CNTNAP5: variants seen among roughly 807,000 people sequenced by gnomAD.
CNTNAP5 encodes contactin associated protein family member 5.
A neutral mutation model predicts 150.2 loss-of-function variants in CNTNAP5; 72 were observed. The observed-to-expected ratio is 0.48, with a 90% confidence interval of 0.40 to 0.58. CNTNAP5 has a LOEUF of 0.58. Among genes scored for constraint, CNTNAP5 ranks in the 20% least tolerant of loss-of-function variants. The pLI is 0.00. For synonymous variants in CNTNAP5, 672 were observed against 619.8 expected (o/e 1.08, Z -1.25); for missense variants, 1,636 against 1,626.2 (o/e 1.01, Z -0.10).
chr2:124,881,003 C>G lies in CNTNAP5; in HGVS notation c.3436+11241C>G, dbSNP rs149067477. 3.5e-3 allele frequency among the ~76,000 whole-genome samples: 530 copies of G among 152,124 alleles called. 4 individuals are homozygous for G. The highest frequency in any genetic ancestry group is 0.014 in the Middle Eastern group (4 of 294). On this transcript the variant is annotated intron_variant, in intron 21 of 23. Coordinates refer to ENST00000682447, the MANE Select transcript of CNTNAP5 (RefSeq NM_001367498.1). The stretch of plus-strand genomic sequence containing the variant: ...GAAAACAAAGATAGTAGGATAGAAA[C>G]AGTAAATAGGCCATCTGAGAGGGTT...
At chr2:124,616,404 C>A (rs1677494296) in intron 12 of CNTNAP5, among the ~76,000 whole-genome samples, 1 of 152,182 alleles carries the variant, frequency 6.6e-6, no homozygotes, top group Non-Finnish European at 1.5e-5. Flanking sequence ...AGCTTCCTCA[C>A]CTCTCTCAGC....
chr2:124,068,148 C>T (rs890874724), intron 1 of CNTNAP5, among the ~76,000 whole-genome samples: 2 of 149,876 alleles, frequency 1.3e-5, no homozygotes, highest in East Asian at 4.1e-4. Flanking sequence ...GAGAATCACA[C>T]TACCTATATC....
intron 8 of CNTNAP5, among the ~76,000 whole-genome samples, chr2:124,507,041 T>C (rs1467064295): frequency 6.6e-6 from 1 of 152,184 alleles, no homozygotes; most frequent in African/African-American, 2.4e-5. Context: ...ACACACATTT[T>C]ATTACATGCA....
At chr2:124,706,910 G>A (rs1247168722) in intron 13 of CNTNAP5, among the ~76,000 whole-genome samples, 1 of 16,528 alleles carries the variant, frequency 6.1e-5, no homozygotes, top group Admixed American at 5.3e-4. Context: ...GAAGGAGGAG[G>A]AGGAGGAGAA....
chr2:124,580,324 C>G (rs1696381143), intron 11 of CNTNAP5, among the ~76,000 whole-genome samples: 1 of 152,068 alleles, frequency 6.6e-6, no homozygotes. Flanking sequence ...CAACTATAAC[C>G]TAAACAGAGT....
chr2:124,122,587 C>T (rs147396973), intron 1 of CNTNAP5, among the ~76,000 whole-genome samples: 9 of 152,118 alleles, frequency 5.9e-5, no homozygotes, highest in Non-Finnish European at 1.0e-4. Flanking sequence ...CCACACTTTA[C>T]AATTTCTAGA....
chr2:124,202,866 A>G (rs1685764348), intron 1 of CNTNAP5, among the ~76,000 whole-genome samples: 1 of 152,082 alleles, frequency 6.6e-6, no homozygotes, highest in African/African-American at 2.4e-5. Context: ...TGGGAGCTAC[A>G]ATTCAAGACG....
At chr2:124,342,984 A>T (rs1163944967) in intron 3 of CNTNAP5, among the ~76,000 whole-genome samples, 2 of 152,176 alleles carry the variant, frequency 1.3e-5, no homozygotes, top group Non-Finnish European at 2.9e-5. Context: ...TGTACTTGTC[A>T]AAGTTCTTTT....
intron 3 of CNTNAP5, among the ~76,000 whole-genome samples, chr2:124,385,099 A>G (rs1241755670): frequency 6.6e-6 from 1 of 152,202 alleles, no homozygotes; most frequent in African/African-American, 2.4e-5. Context: ...ACCATACCTC[A>G]GTTTTTGTCA....
rs974441563 is a variant in CNTNAP5, at chr2:124,499,488, C to T, written c.1063-4804C>T. Among the ~76,000 whole-genome samples, 6 of 152,110 alleles carry T rather than the reference C, an allele frequency of 3.9e-5. No individual in the cohort carries two copies. The South Asian group carries it at 6.2e-4, about 16-fold the overall frequency. On this transcript the variant is annotated intron_variant, in intron 7 of 23. Transcript: ENST00000682447. ...GTGCAGAGGAATGAAGAGGTCATGC[C>T]TGGTGGAGGAAGGAAGGCACAACGT...
At chr2:124,424,158 A>G (rs1038079811) in intron 4 of CNTNAP5, among the ~76,000 whole-genome samples, 1 of 152,168 alleles carries the variant, frequency 6.6e-6, no homozygotes, top group South Asian at 2.1e-4. Flanking sequence ...AGCTGAAGTC[A>G]TATTCTCCTT....
intron 19 of CNTNAP5, among the ~76,000 whole-genome samples, chr2:124,854,976 A>G (rs1170960019): frequency 6.6e-6 from 1 of 152,164 alleles, no homozygotes; most frequent in Non-Finnish European, 1.5e-5. Flanking sequence ...GAAAAGAGAA[A>G]CAAAATAAAA....
intron 1 of CNTNAP5, among the ~76,000 whole-genome samples, chr2:124,061,035 G>A (rs1681997098): frequency 6.6e-6 from 1 of 152,058 alleles, no homozygotes; most frequent in Admixed American, 6.6e-5. Context: ...CAAGATCTGA[G>A]CACATTCCCC....
At chr2:124,769,166 G>C (rs1681135099) in intron 16 of CNTNAP5, among the ~76,000 whole-genome samples, 1 of 152,038 alleles carries the variant, frequency 6.6e-6, no homozygotes, top group Admixed American at 6.6e-5. Context: ...GTGTCCTAAG[G>C]ATATTCTCTA....
chr2:124,316,808 AAAAAAAAAAAAAAAAAAAAAG>A (rs1688973958), intron 3 of CNTNAP5, among the ~76,000 whole-genome samples: 1 of 125,118 alleles, frequency 8.0e-6, no homozygotes, highest in African/African-American at 2.9e-5. Flanking sequence ...CCATCTCAAA[AAAAAAAAAAAAAAAAAAAAAG>A]AAAAAGAAAA....
intron 3 of CNTNAP5, among the ~76,000 whole-genome samples, chr2:124,400,780 A>T (rs564677453): frequency 1.3e-5 from 2 of 149,110 alleles, no homozygotes; most frequent in Non-Finnish European, 3.0e-5. Flanking sequence ...TGGAGCTGCC[A>T]TACATGTTGG....
intron 1 of CNTNAP5, among the ~76,000 whole-genome samples, chr2:124,085,970 G>A (rs1375213218): frequency 6.6e-6 from 1 of 152,044 alleles, no homozygotes; most frequent in African/African-American, 2.4e-5. Context: ...TGTACATTTG[G>A]CTGCGATTGA....
chr2:124,245,670 TATATATATACACACAA>T (rs1217802850), intron 3 of CNTNAP5, among the ~76,000 whole-genome samples: 1 of 89,262 alleles, frequency 1.1e-5, no homozygotes, highest in East Asian at 3.3e-4. Flanking sequence ...TACACACAAA[TATATATATACACACAA>T]ATATATATAT....
intron 3 of CNTNAP5, among the ~76,000 whole-genome samples, chr2:124,369,656 T>C (rs1271722765): frequency 6.6e-6 from 1 of 152,206 alleles, no homozygotes; most frequent in African/African-American, 2.4e-5. Flanking sequence ...CCTTATAAAG[T>C]GTTCTTAAAA....
Sources: allele counts gnomAD v4.1 joint callset (sites outside exome capture counted in the v4.1 genomes callset), GRCh38; gene constraint gnomAD v4.1.1; transcripts MANE v1.5; gene names NCBI Gene and HGNC (gene_info 2026-07-23, HGNC 2026-07-21).